The following FLRT1 variants were observed in gnomAD, a reference collection of about 807,000 sequenced individuals.
FLRT1 encodes the protein leucine-rich repeat transmembrane protein FLRT1.
Under a neutral mutation model 30.9 loss-of-function variants are expected in FLRT1, and 14 were observed. That is an observed-to-expected ratio of 0.45 (90% CI 0.30 to 0.71). The LOEUF (loss-of-function observed/expected upper bound fraction) is 0.71, where lower values mean the gene tolerates loss of function less well. Ranked by LOEUF, FLRT1 falls within the 30% of genes least tolerant of loss-of-function variation. FLRT1 has a pLI of 0.08. For synonymous variants in FLRT1, 368 were observed against 430.4 expected (o/e 0.85, Z 1.80); for missense variants, 737 against 949.2 (o/e 0.78, Z 2.94).
intron 2 of FLRT1, among the ~76,000 whole-genome samples, chr11:64,110,080 G>A (rs1334801296): frequency 6.6e-6 from 1 of 152,136 alleles, no homozygotes; most frequent in African/African-American, 2.4e-5. Flanking sequence ...AAGTTCCCAT[G>A]TAAGGGCCCC....
At chr11:64,062,632 CGT>C (rs1427336010) in intron 1 of FLRT1, among the ~76,000 whole-genome samples, 3 of 112,254 alleles carry the variant, frequency 2.7e-5, no homozygotes, top group Non-Finnish European at 5.0e-5. Flanking sequence ...AGCAAAGGCA[CGT>C]GGCCCTGCCT....
intron 1 of FLRT1, among the ~76,000 whole-genome samples, chr11:64,041,238 G>A (rs1393925790): frequency 7.4e-6 from 1 of 134,376 alleles, no homozygotes; most frequent in Non-Finnish European, 1.5e-5. Context: ...AAGCATGAGC[G>A]AGAGAGGAAG....
At position 64,051,945 on chromosome 11, in the gene FLRT1, G is replaced by T. The variant is rs575888536; in HGVS notation, c.-1038+15786G>T. ...GACTGGATACTCCAAGGCCACTGGT[G>T]CCCGGACAGTGTTATGTGTTTGTGC... is the stretch of plus-strand genomic sequence containing the variant. On this transcript the variant is annotated intron_variant, in intron 1 of 2. Coordinates refer to ENST00000682287, the MANE Select transcript of FLRT1 (RefSeq NM_013280.5). Among the ~76,000 whole-genome samples, 5 of 151,970 alleles carry T rather than the reference G, an allele frequency of 3.3e-5. No homozygotes were observed. In the East Asian group the frequency reaches 7.8e-4, roughly 24 times the overall value.
intron 1 of FLRT1, among the ~76,000 whole-genome samples, chr11:64,046,861 C>G (rs1004321548): frequency 6.6e-6 from 1 of 152,196 alleles, no homozygotes; most frequent in Non-Finnish European, 1.5e-5. Context: ...CCATCCCTGC[C>G]TCTCCCCATC....
chr11:64,078,096 G>A (rs1944236605), intron 1 of FLRT1, among the ~76,000 whole-genome samples: 2 of 152,176 alleles, frequency 1.3e-5, no homozygotes, highest in African/African-American at 4.8e-5. Context: ...ACACTGCCCT[G>A]CGCACCTGCC....
chr11:64,093,199 G>A lies in FLRT1; in HGVS notation c.-1037-9995G>A, dbSNP rs545382154. ...GCGACGTGTGAATAGTGTCTGCCTCGGACACAACACAGGGCGGCCACTACT... is the reference window on the plus strand; with the variant it reads ...GCGACGTGTGAATAGTGTCTGCCTCAGACACAACACAGGGCGGCCACTACT... On this transcript the variant is annotated intron_variant, in intron 1 of 2. Coordinates refer to ENST00000682287, the MANE Select transcript of FLRT1 (RefSeq NM_013280.5). Among the ~76,000 whole-genome samples, 7 of 152,256 alleles carry A rather than the reference G, an allele frequency of 4.6e-5. No individual in the cohort carries two copies. The South Asian group carries it at 1.5e-3, about 32-fold the overall frequency.
In FLRT1 at chr11:64,116,407, A is replaced by C; in HGVS notation, c.140A>C (p.Glu47Ala). 1 of 1,613,904 alleles carries C rather than the reference A, an allele frequency of 6.2e-7. No individual in the cohort carries two copies. The highest frequency in any genetic ancestry group is 8.5e-7 in the Non-Finnish European group (1 of 1,180,010). Residue 47 changes from glutamate (E) to alanine (A), a missense_variant, in exon 3 of 3, where the codon GAG (glutamate) becomes GCG (alanine). Physicochemically the swap from Glu to Ala is moderately radical, Grantham distance 107. Coordinates refer to ENST00000682287, the MANE Select transcript of FLRT1 (RefSeq NM_013280.5). ...TACGGGCTCATCGCCTTCCTGACGG[A>C]GGTCATCGACAGCACCACCTGCCCC... is the stretch of plus-strand genomic sequence containing the variant. ...LCYGLIAFLTEVIDSTTCPSV... is the reference protein window; with the variant it reads ...LCYGLIAFLTAVIDSTTCPSV...
chr11:64,040,489 T>TCA (rs1943464136), intron 1 of FLRT1, among the ~76,000 whole-genome samples: 1 of 152,092 alleles, frequency 6.6e-6, no homozygotes, highest in Non-Finnish European at 1.5e-5. Flanking sequence ...CCCAGCTCTC[T>TCA]CAGGATTCCT....
Position 64,117,295 on chromosome 11 carries a change from T to C in FLRT1, c.1028T>C (p.Val343Ala). 1 of 1,614,068 alleles carries C rather than the reference T, an allele frequency of 6.2e-7. No homozygotes were observed. The highest frequency in any genetic ancestry group is 1.7e-4 in the Middle Eastern group (1 of 6,058). ...AACCTCATGTGGCTGCGGGACTGGG[T>C]GAAGGCACGGGCGGCCGTGGTCAAC... ...GCNLMWLRDW[V>A]KARAAVVNVR... The change falls in exon 3 of 3, where the codon GTG (valine) becomes GCG (alanine). Residue 343 changes from valine (V) to alanine (A), a missense_variant. Coordinates refer to ENST00000682287, the MANE Select transcript of FLRT1 (RefSeq NM_013280.5).
In FLRT1 at chr11:64,116,398, T is replaced by G. The variant is rs776824755; in HGVS notation, c.131T>G (p.Phe44Cys). The G allele has an allele frequency of 2.5e-6, 4 of 1,613,964 alleles. No homozygotes were observed. Among genetic ancestry groups the G allele is most frequent in the Non-Finnish European group, 3.4e-6 (4 of 1,180,012 alleles). Reference protein sequence around the residue: ...WLFLCYGLIAFLTEVIDSTTC... With the variant: ...WLFLCYGLIACLTEVIDSTTC... ...TTCCTCTGCTACGGGCTCATCGCCT[T>G]CCTGACGGAGGTCATCGACAGCACC... Residue 44 changes from phenylalanine to cysteine, a missense_variant, in exon 3 of 3, where the codon TTC becomes TGC. By Grantham distance (205) the Phe-to-Cys change is radical. Transcript: ENST00000682287.
At chr11:64,093,079 C>T (rs1208701557) in intron 1 of FLRT1, among the ~76,000 whole-genome samples, 6 of 152,148 alleles carry the variant, frequency 3.9e-5, no homozygotes, top group African/African-American at 1.4e-4. Flanking sequence ...GGCTCTGGAG[C>T]AGACCCCCTG....
chr11:64,063,415 G>A lies in FLRT1; in HGVS notation c.-1038+27256G>A, dbSNP rs561517069. On this transcript the variant is annotated intron_variant, in intron 1 of 2. Transcript: ENST00000682287. The stretch of plus-strand genomic sequence containing the variant: ...CAGATGTCAGGGAAGCCCAAGGAGC[G>A]ATGGAGGGAGAGGAGGAGGACTTCC... Among the ~76,000 whole-genome samples the A allele has an allele frequency of 8.5e-5, 13 of 152,258 alleles. No homozygotes were observed. The South Asian group carries it at 2.5e-3, about 29-fold the overall frequency.
Position 64,117,894 on chromosome 11 carries a change from CAGA to C in FLRT1, c.1629_1631del (p.Gln543_Asn544delinsHis). 2 of 1,613,944 alleles carry C rather than the reference CAGA, an allele frequency of 1.2e-6. No homozygotes were observed. Among genetic ancestry groups the C allele is most frequent in the African/African-American group, 2.7e-5 (2 of 75,082 alleles). On this transcript the variant is annotated inframe_deletion, in exon 3 of 3. Transcript: ENST00000682287. ...CCCTACCACCACACTCAACCAGGAG[CAGA>C]ACGCTGGCCCCATGGCGAGCCTGCC...
chr11:64,092,367 T>G (rs1386802849), intron 1 of FLRT1, among the ~76,000 whole-genome samples: 1 of 152,010 alleles, frequency 6.6e-6, no homozygotes, highest in African/African-American at 2.4e-5. Flanking sequence ...AGGAAAGAGG[T>G]GCTGGGCCTG....
chr11:64,113,737 G>C (rs1165306397), intron 2 of FLRT1, among the ~76,000 whole-genome samples: 4 of 150,026 alleles, frequency 2.7e-5, no homozygotes, highest in African/African-American at 4.9e-5. Context: ...ATACATGGAT[G>C]ATGGATGGAT....
rs955896944 is a variant in FLRT1, at chr11:64,070,802, G to A, written c.-1037-32392G>A. Among the ~76,000 whole-genome samples the A allele has an allele frequency of 2.6e-5, 4 of 152,226 alleles. No homozygotes were observed. In the South Asian group the frequency reaches 6.2e-4, roughly 24 times the overall value. Reference sequence around the variant, plus strand: ...AAATTTAATAACTGGTGGGAGACGAGGCGTGAACAATAATAGTTTTTTGCT... The same window carrying A: ...AAATTTAATAACTGGTGGGAGACGAAGCGTGAACAATAATAGTTTTTTGCT... On this transcript the variant is annotated intron_variant, in intron 1 of 2. Transcript: ENST00000682287.
rs188138370 is a variant in FLRT1, at chr11:64,065,080, A to C, written c.-1038+28921A>C. On this transcript the variant is annotated intron_variant, in intron 1 of 2. Coordinates refer to ENST00000682287, the MANE Select transcript of FLRT1 (RefSeq NM_013280.5). ...CAGCAGGGCCCAGCACAGGCACCTG[A>C]GCCAGACTCGGCGGCCTCGGAGAGA... 7.7e-4 allele frequency among the ~76,000 whole-genome samples: 118 copies of C among 152,318 alleles called. 1 individual carries two copies. The highest frequency in any genetic ancestry group is 2.7e-3 in the African/African-American group (114 of 41,568).
chr11:64,111,928 G>T (rs948383306), intron 2 of FLRT1, among the ~76,000 whole-genome samples: 1 of 152,110 alleles, frequency 6.6e-6, no homozygotes, highest in Non-Finnish European at 1.5e-5. Flanking sequence ...GCTCAGCCTG[G>T]GCTGCAGGAC....
intron 1 of FLRT1, among the ~76,000 whole-genome samples, chr11:64,048,420 C>G (rs1943627089): frequency 6.6e-6 from 1 of 152,196 alleles, no homozygotes; most frequent in African/African-American, 2.4e-5. Context: ...GCCCTGGACC[C>G]TCCGTTGGCC....
Sources: allele counts gnomAD v4.1 joint callset (sites outside exome capture counted in the v4.1 genomes callset), GRCh38; gene constraint gnomAD v4.1.1; transcripts MANE v1.5; gene names NCBI Gene and HGNC (gene_info 2026-07-23, HGNC 2026-07-21).